The following SLC25A48 variants were observed in gnomAD, a reference collection of about 807,000 sequenced individuals.
The protein encoded by SLC25A48 is CTC-321K16.1.
Under a neutral mutation model 32.2 loss-of-function variants are expected in SLC25A48, and 29 were observed. The observed-to-expected ratio is 0.90, with a 90% confidence interval of 0.67 to 1.23. The LOEUF (loss-of-function observed/expected upper bound fraction) is 1.23, where lower values mean the gene tolerates loss of function less well. SLC25A48 is among the 50% of genes most tolerant of loss of function. SLC25A48 has a pLI of 0.00. For synonymous variants in SLC25A48, 164 were observed against 172.3 expected, an observed-to-expected ratio of 0.95 and a Z score of 0.38; for missense variants, 399 against 422.7, an observed-to-expected ratio of 0.94 and a Z score of 0.49.
At chr5:135,860,748 G>T (rs900257636) in intron 4 of SLC25A48, among the ~76,000 whole-genome samples, 2 of 152,184 alleles carry the variant, frequency 1.3e-5, no homozygotes, top group Non-Finnish European at 2.9e-5. Flanking sequence ...TTTCTAGGCA[G>T]CCTTGGGCAG....
intron 1 of SLC25A48, among the ~76,000 whole-genome samples, chr5:135,612,546 C>T (rs1356503205): frequency 6.6e-6 from 1 of 152,202 alleles, no homozygotes; most frequent in Admixed American, 6.5e-5. Context: ...CTGCCACGTA[C>T]ACACCCTTCC....
chr5:135,630,998 A>G (rs1164017140), intron 2 of SLC25A48, among the ~76,000 whole-genome samples: 2 of 152,154 alleles, frequency 1.3e-5, no homozygotes, highest in East Asian at 3.9e-4. Context: ...TCATCTCTAC[A>G]CTGTTGGACC....
At chr5:135,848,911 A>C (rs1183426694) in intron 2 of SLC25A48, among the ~76,000 whole-genome samples, 1 of 152,242 alleles carries the variant, frequency 6.6e-6, no homozygotes, top group African/African-American at 2.4e-5. Flanking sequence ...CATGGTCATA[A>C]ACTCAGGAGA....
intron 3 of SLC25A48, among the ~76,000 whole-genome samples, chr5:135,662,049 A>T (rs1387123604): frequency 6.6e-6 from 1 of 152,118 alleles, no homozygotes; most frequent in African/African-American, 2.4e-5. Context: ...TTAACCTTCC[A>T]CTGGCAATGC....
intron 1 of SLC25A48, among the ~76,000 whole-genome samples, chr5:135,627,151 G>A (rs968711626): frequency 2.0e-5 from 3 of 152,190 alleles, no homozygotes; most frequent in African/African-American, 7.2e-5. Flanking sequence ...GTCAGGCCCT[G>A]CTCTCTCTGC....
At chr5:135,862,705 G>A (rs750219165) in intron 4 of SLC25A48, among the ~76,000 whole-genome samples, 3 of 152,280 alleles carry the variant, frequency 2.0e-5, no homozygotes, top group East Asian at 1.9e-4. Flanking sequence ...TAGAGATGGG[G>A]ACATGGGATG....
In SLC25A48 at chr5:135,887,896, C is replaced by A. The variant is rs148475976; in HGVS notation, c.*8-136C>A. ...TACTTTGCACAGCTTCCACAAGAATCAAGTGCAAAAGTGTTTTTGTAAACT... is the reference window on the plus strand; with the variant it reads ...TACTTTGCACAGCTTCCACAAGAATAAAGTGCAAAAGTGTTTTTGTAAACT... On this transcript the variant is annotated intron_variant, in intron 7 of 7. Transcript: ENST00000681962. The A allele has an allele frequency of 1.7e-5, 13 of 784,372 alleles. No individual in the cohort carries two copies. The East Asian group carries it at 3.3e-4, about 20-fold the overall frequency. The allele number at this position is 784,372 out of a possible 1,614,324, so 48.6% of individuals were successfully genotyped here. A position where few individuals can be genotyped will look rare whatever the true frequency, so the allele number is the denominator to read the frequency against.
At chr5:135,704,884 C>T (rs1022122102) in intron 3 of SLC25A48, among the ~76,000 whole-genome samples, 2 of 152,160 alleles carry the variant, frequency 1.3e-5, no homozygotes, top group African/African-American at 4.8e-5. Context: ...AGGCAGACTG[C>T]AGTGTGTGGT....
intron 3 of SLC25A48, among the ~76,000 whole-genome samples, chr5:135,669,790 G>A (rs1753612541): frequency 6.6e-6 from 1 of 152,180 alleles, no homozygotes. Context: ...ATGTCTCAGA[G>A]TCTGTGTTCC....
Position 135,779,198 on chromosome 5 carries a change from C to T in SLC25A48, c.-520-33325C>T, listed in dbSNP as rs377636577. ...CCAGAGCATGAGAGGATGATATTAC[C>T]CCCAATATTGCATGGGGTGTGCACA... On this transcript the variant is annotated intron_variant, in intron 3 of 10. Transcript: ENST00000646290. Among the ~76,000 whole-genome samples the T allele has an allele frequency of 5.1e-3, 771 of 151,228 alleles. 7 individuals are homozygous for T. Among genetic ancestry groups the T allele is most frequent in the African/African-American group, 0.018 (731 of 41,144 alleles).
chr5:135,684,965 A>G (rs1427676689), intron 3 of SLC25A48, among the ~76,000 whole-genome samples: 1 of 152,136 alleles, frequency 6.6e-6, no homozygotes, highest in East Asian at 1.9e-4. Context: ...TACACTTTTC[A>G]TTTGGAAGCT....
intron 4 of SLC25A48, among the ~76,000 whole-genome samples, chr5:135,865,714 A>G (rs572016967): frequency 6.6e-6 from 1 of 152,184 alleles, no homozygotes; most frequent in Non-Finnish European, 1.5e-5. Context: ...CTCAGAAAAC[A>G]GTAGCAACAG....
chr5:135,654,347 G>A (rs947734692), intron 3 of SLC25A48, among the ~76,000 whole-genome samples: 1 of 152,182 alleles, frequency 6.6e-6, no homozygotes, highest in African/African-American at 2.4e-5. Context: ...TATTCTATAA[G>A]GCCAGACGAT....
intron 4 of SLC25A48, among the ~76,000 whole-genome samples, chr5:135,853,359 G>A (rs1354796256): frequency 6.6e-6 from 1 of 152,134 alleles, no homozygotes. Context: ...AGCATGAGAC[G>A]CTGTTTGATG....
At chr5:135,790,074 G>A (rs10900837) in intron 3 of SLC25A48, among the ~76,000 whole-genome samples, 20 of 151,174 alleles carry the variant, frequency 1.3e-4, no homozygotes, top group Admixed American at 1.2e-3. Flanking sequence ...AGTACACCAC[G>A]TGTGATATTA....
intron 3 of SLC25A48, among the ~76,000 whole-genome samples, chr5:135,764,316 G>C (rs991043372): frequency 6.6e-6 from 1 of 151,956 alleles, no homozygotes; most frequent in African/African-American, 2.4e-5. Flanking sequence ...ATCGTGGAGG[G>C]TGTACACCCC....
intron 3 of SLC25A48, among the ~76,000 whole-genome samples, chr5:135,655,948 C>T (rs1276749461): frequency 6.6e-6 from 1 of 152,040 alleles, no homozygotes; most frequent in African/African-American, 2.4e-5. Flanking sequence ...CATCATTATT[C>T]CCCACTGACA....
intron 3 of SLC25A48, among the ~76,000 whole-genome samples, chr5:135,660,765 G>A (rs574956973): frequency 2.6e-5 from 4 of 152,168 alleles, no homozygotes; most frequent in African/African-American, 9.6e-5. Context: ...CAATTACCTG[G>A]GTCTTGTTAA....
intron 3 of SLC25A48, chr5:135,653,819 G>C (rs1753175225): frequency 2.2e-6 from 1 of 456,096 alleles, no homozygotes; most frequent in Non-Finnish European, 4.4e-6. Flanking sequence ...ATTGACAGCG[G>C]GTATTTCCTT....
Sources: allele counts gnomAD v4.1 joint callset (sites outside exome capture counted in the v4.1 genomes callset), GRCh38; gene constraint gnomAD v4.1.1; transcripts MANE v1.5; gene names NCBI Gene and HGNC (gene_info 2026-07-23, HGNC 2026-07-21).